Variants in TIAM2 observed in about 807,000 individuals in gnomAD.
The protein encoded by TIAM2 is TIAM Rac1 associated GEF 2.
TIAM2 carries 80 observed loss-of-function variants against 152.9 expected under a neutral mutation model. The ratio of observed to expected loss-of-function variants is 0.52; its 90% CI spans 0.44 to 0.63. The LOEUF (loss-of-function observed/expected upper bound fraction) is 0.63. Ranked by LOEUF, TIAM2 falls within the 30% of genes least tolerant of loss-of-function variation. The pLI, the probability that TIAM2 is intolerant of heterozygous loss-of-function variation, is 0.00. For synonymous variants in TIAM2, 804 were observed against 838.0 expected, an observed-to-expected ratio of 0.96 and a Z score of 0.70; for missense variants, 1,965 against 2,120.1, an observed-to-expected ratio of 0.93 and a Z score of 1.44.
intron 1 of TIAM2, among the ~76,000 whole-genome samples, chr6:155,054,668 G>A (rs1015928294): frequency 6.6e-5 from 10 of 151,832 alleles, no homozygotes; most frequent in East Asian, 2.0e-4. Context: ...GCAACCTCCC[G>A]CCCCCTGGGT....
intron 9 of TIAM2, among the ~76,000 whole-genome samples, chr6:155,170,815 G>A (rs982311208): frequency 1.3e-5 from 2 of 152,158 alleles, no homozygotes; most frequent in Non-Finnish European, 2.9e-5. Context: ...ATTTGTTTTA[G>A]CTAAGCATTA....
intron 1 of TIAM2, among the ~76,000 whole-genome samples, chr6:155,089,121 G>C (rs554940832): frequency 6.6e-6 from 1 of 151,928 alleles, no homozygotes; most frequent in African/African-American, 2.4e-5. Flanking sequence ...AATGGACCAT[G>C]AGTTTTAATA....
intron 1 of TIAM2, among the ~76,000 whole-genome samples, chr6:155,039,166 G>C (rs1357759376): frequency 6.6e-6 from 1 of 151,590 alleles, no homozygotes; most frequent in Non-Finnish European, 1.5e-5. Context: ...TTGCCATGTT[G>C]TCAAGGCTGG....
intron 1 of TIAM2, among the ~76,000 whole-genome samples, chr6:155,056,329 G>C (rs9384275): frequency 0.42 from 63,319 of 151,502 alleles, 14,196 homozygotes; most frequent in Middle Eastern, 0.52. Context: ...CTACCACCAT[G>C]CCCGGCTAAT....
intron 6 of TIAM2, among the ~76,000 whole-genome samples, chr6:155,147,515 T>C (rs1412569762): frequency 6.6e-6 from 1 of 152,018 alleles, no homozygotes; most frequent in African/African-American, 2.4e-5. Flanking sequence ...AGACAGAGTC[T>C]CACTCTGTTA....
At chr6:155,084,600 T>C (rs543805927) in intron 1 of TIAM2, among the ~76,000 whole-genome samples, 2 of 152,212 alleles carry the variant, frequency 1.3e-5, no homozygotes, top group Non-Finnish European at 2.9e-5. Flanking sequence ...TTTTTGGTGT[T>C]TCACATGGGC....
Position 155,219,395 on chromosome 6 carries a change from C to T in TIAM2, c.3168+8088C>T, listed in dbSNP as rs55811277. On this transcript the variant is annotated intron_variant, in intron 15 of 26. Coordinates refer to ENST00000682666, the MANE Select transcript of TIAM2 (RefSeq NM_012454.4). ...GAGCGGCTCTGCCAGCCGAGGAGGG[C>T]TTGCAGACTTTGCCCCTCCTGGAAG... Among the ~76,000 whole-genome samples, 630 of 152,122 alleles carry T rather than the reference C, an allele frequency of 4.1e-3. 6 individuals carry two copies. Among genetic ancestry groups the T allele is most frequent in the Non-Finnish European group, 7.2e-3 (489 of 68,000 alleles).
At position 155,207,287 on chromosome 6, in the gene TIAM2, T is replaced by C. The variant is rs995437959; in HGVS notation, c.3065-3917T>C. Among the ~76,000 whole-genome samples the C allele has an allele frequency of 3.9e-5, 6 of 152,342 alleles. No individual in the cohort carries two copies. The South Asian group carries it at 6.2e-4, about 16-fold the overall frequency. On this transcript the variant is annotated intron_variant, in intron 14 of 26. Transcript: ENST00000682666. ...ATGTACTTTTATCTCATGTCTCTTC[T>C]ATAAAGAGCACTAAGGGCACCCTCC...
In TIAM2 at chr6:155,131,576, CT is replaced by C. The variant is rs1326392725; in HGVS notation, c.1194+1171del. ...TTGATGATATATCTACATGTGTAATCTTTTTTTTTTTTCTTTTTTTTGAGAC... is the reference window on the plus strand; with the variant it reads ...TTGATGATATATCTACATGTGTAATCTTTTTTTTTTTCTTTTTTTTGAGAC... On this transcript the variant is annotated intron_variant, in intron 4 of 26. Coordinates refer to ENST00000682666, the MANE Select transcript of TIAM2 (RefSeq NM_012454.4). 3.7e-3 allele frequency among the ~76,000 whole-genome samples: 542 copies of C among 144,658 alleles called. 2 individuals are homozygous for C. Among genetic ancestry groups the C allele is most frequent in the African/African-American group, 0.011 (418 of 39,632 alleles). 94.9% of individuals were successfully genotyped at this position (144,658 alleles called of 152,430 possible).
At chr6:155,054,901 C>T (rs1197917752) in intron 1 of TIAM2, among the ~76,000 whole-genome samples, 1 of 152,074 alleles carries the variant, frequency 6.6e-6, no homozygotes, top group Admixed American at 6.6e-5. Flanking sequence ...AGCTTAAAGT[C>T]TATGATTGAA....
intron 5 of TIAM2, among the ~76,000 whole-genome samples, chr6:155,140,190 G>A (rs1779659388): frequency 6.6e-6 from 1 of 152,182 alleles, no homozygotes; most frequent in African/African-American, 2.4e-5. Flanking sequence ...AGAGCTGGTT[G>A]TTTCCCTCCT....
At chr6:155,110,371 C>T (rs528876516) in intron 2 of TIAM2, among the ~76,000 whole-genome samples, 1 of 124,268 alleles carries the variant, frequency 8.0e-6, no homozygotes, top group Non-Finnish European at 1.6e-5. Context: ...GTTTACCAAA[C>T]GTGTTTGGTA....
rs199800987 is a variant in TIAM2 at position 154,997,180 on chromosome 6, GTTC to G, written c.-209+1691_-209+1693del. ...GAATGAATGAAATTCTGCTTACACT[GTTC>G]TTACTCCTCTTGCCCATCTGTCAAT... is the stretch of plus-strand genomic sequence containing the variant. On this transcript the variant is annotated intron_variant, in intron 1 of 26. Coordinates refer to ENST00000682666, the MANE Select transcript of TIAM2 (RefSeq NM_012454.4). Among the ~76,000 whole-genome samples the G allele has an allele frequency of 4.5e-3, 685 of 152,252 alleles. 6 individuals carry two copies. The highest frequency in any genetic ancestry group is 0.015 in the African/African-American group (640 of 41,540).
At chr6:155,077,453 C>T (rs752377907) in intron 1 of TIAM2, among the ~76,000 whole-genome samples, 1 of 152,122 alleles carries the variant, frequency 6.6e-6, no homozygotes, top group African/African-American at 2.4e-5. Flanking sequence ...TTTACTCACT[C>T]AGTTCCTAGA....
At chr6:155,170,731 G>C (rs1231953409) in intron 9 of TIAM2, among the ~76,000 whole-genome samples, 1 of 152,198 alleles carries the variant, frequency 6.6e-6, no homozygotes, top group East Asian at 1.9e-4. Flanking sequence ...CTTAAGATGG[G>C]CTCAAATCAA....
chr6:155,223,360 A>G (rs1782119224), intron 15 of TIAM2, among the ~76,000 whole-genome samples: 1 of 152,138 alleles, frequency 6.6e-6, no homozygotes, highest in Non-Finnish European at 1.5e-5. Context: ...ATCTTAGTCT[A>G]ATTGCTTGGG....
Position 155,016,951 on chromosome 6 carries a change from G to A in TIAM2, c.-209+21459G>A, listed in dbSNP as rs1011667740. ...AATAAATAAAATAACTTGGGAGGCA[G>A]GGATATCACCTGAGCATGAAGGGGC... On this transcript the variant is annotated intron_variant, in intron 1 of 26. Transcript: ENST00000682666. Among the ~76,000 whole-genome samples the A allele has an allele frequency of 5.9e-5, 9 of 152,276 alleles. No individual in the cohort carries two copies. In the East Asian group the frequency reaches 1.7e-3, roughly 29 times the overall value.
rs1470941998 is a variant in TIAM2 at position 155,191,157 on chromosome 6, G to A, written c.3064+7657G>A. The stretch of plus-strand genomic sequence containing the variant: ...AACGGTGACAGCTAAGTCCCCCTAA[G>A]CTACATCGGGCAGTGGTGAAGAGCA... On this transcript the variant is annotated intron_variant, in intron 14 of 26. Transcript: ENST00000682666. Among the ~76,000 whole-genome samples the A allele has an allele frequency of 3.7e-4, 56 of 152,300 alleles. 1 individual carries two copies.
At chr6:155,075,155 G>GA (rs1301880656) in intron 1 of TIAM2, among the ~76,000 whole-genome samples, 1 of 152,112 alleles carries the variant, frequency 6.6e-6, no homozygotes, top group Non-Finnish European at 1.5e-5. Flanking sequence ...GAGGTGAGGG[G>GA]AGGCTGGGTT....
Sources: gnomAD v4.1 joint callset for allele counts (sites outside exome capture counted in the v4.1 genomes callset) on GRCh38, gnomAD v4.1.1 for gene constraint, MANE v1.5 for transcripts, NCBI Gene and HGNC (gene_info 2026-07-23, HGNC 2026-07-21) for gene names.